Variants in RGS12 observed in about 807,000 individuals in gnomAD.
RGS12 encodes regulator of G-protein signaling 12.
A neutral mutation model predicts 120.1 loss-of-function variants in RGS12; 66 were observed. The ratio of observed to expected loss-of-function variants is 0.55; its 90% CI spans 0.45 to 0.67. The LOEUF is 0.67. RGS12 is among the 30% of genes least tolerant of loss of function. The probability of loss-of-function intolerance (pLI) is 0.00; values close to 1 mark genes in which losing one functional copy is unlikely to be tolerated. For missense variants in RGS12, 1,859 were observed against 1,957.7 expected (o/e 0.95, Z 0.95); for synonymous variants, 827 against 804.7 (o/e 1.03, Z -0.47).
chr4:3,286,011 A>G, the RGS12 span, among the ~76,000 whole-genome samples: 3 of 152,206 alleles, frequency 2.0e-5, no homozygotes, highest in Non-Finnish European at 2.9e-5. Context: ...CGCTCCAGGG[A>G]CCGCTGGGGC....
At chr4:3,320,194 G>A (rs1725082964) in intron 2 of RGS12, among the ~76,000 whole-genome samples, 1 of 152,236 alleles carries the variant, frequency 6.6e-6, no homozygotes. Context: ...ATTGGCAGTG[G>A]TGCTTATGGT....
chr4:3,425,451 A>T lies in RGS12; in HGVS notation c.3235-13A>T. 1.2e-6 allele frequency: 2 copies of T among 1,604,302 alleles called. No homozygotes were observed. Among genetic ancestry groups the T allele is most frequent in the Non-Finnish European group, 8.5e-7 (1 of 1,172,640 alleles). On this transcript the variant is annotated splice_polypyrimidine_tract_variant and intron_variant, in intron 13 of 17. Transcript: ENST00000336727. ...AGTCTGGGTAAATTATTCAGTGCTG[A>T]TCTCTGCCCTAGAGTGGAGAGAAGG...
intron 2 of RGS12, among the ~76,000 whole-genome samples, chr4:3,321,142 A>T (rs1287400353): frequency 1.3e-5 from 2 of 152,218 alleles, no homozygotes; most frequent in African/African-American, 4.8e-5. Context: ...TTCAGTATAC[A>T]GAATCGTTAA....
intron 17 of RGS12, 36 bp downstream of exon 17, chr4:3,430,991 G>A (rs751752373): frequency 7.5e-5 from 120 of 1,602,834 alleles, no homozygotes; most frequent in Non-Finnish European, 9.3e-5. Flanking sequence ...CCTTGGCCCC[G>A]TAAGCGTGGT....
rs1015603713 is a variant in RGS12, at chr4:3,370,239, G to T, written c.1999-16177G>T. On this transcript the variant is annotated intron_variant, in intron 3 of 17. Coordinates refer to ENST00000336727, the MANE Select transcript of RGS12 (RefSeq NM_001394154.1). ...GTGTTGAATGGTGTGTCTTAGACCC[G>T]GGTGCCTAGTGTGGCTCGGTGCCTT... The T allele has an allele frequency of 1.3e-5, 21 of 1,613,430 alleles. No homozygotes were observed. The East Asian group carries it at 4.7e-4, about 36-fold the overall frequency.
intron 1 of RGS12, among the ~76,000 whole-genome samples, chr4:3,302,470 G>C (rs150125342): frequency 1.3e-5 from 2 of 152,240 alleles, no homozygotes; most frequent in African/African-American, 4.8e-5. Flanking sequence ...TGGAGTTCAC[G>C]TTGTGTGGCC....
chr4:3,382,232 C>T (rs983815419), intron 3 of RGS12, among the ~76,000 whole-genome samples: 4 of 152,134 alleles, frequency 2.6e-5, no homozygotes, highest in Admixed American at 2.6e-4. Context: ...GATGACATAA[C>T]TTCTAAAAGT....
rs529458425 is a variant in RGS12, at chr4:3,323,196, C to T, written c.1881+5145C>T. 1.1e-4 allele frequency among the ~76,000 whole-genome samples: 17 copies of T among 152,346 alleles called. No homozygotes were observed. The East Asian group carries it at 2.3e-3, about 21-fold the overall frequency. ...AAGCACCAGGCTGGGGGGCCTCTCC[C>T]GGGAGGGGTGCCGTGGCGCCTCGCT... On this transcript the variant is annotated intron_variant, in intron 2 of 17. Transcript: ENST00000336727.
chr4:3,304,845 G>A (rs1353161178), intron 1 of RGS12, among the ~76,000 whole-genome samples: 1 of 152,238 alleles, frequency 6.6e-6, no homozygotes, highest in Non-Finnish European at 1.5e-5. Context: ...GCATCACGTG[G>A]CACGTTGGTT....
chr4:3,376,701 G>T (rs1291468633), intron 3 of RGS12, among the ~76,000 whole-genome samples: 1 of 152,196 alleles, frequency 6.6e-6, no homozygotes, highest in Non-Finnish European at 1.5e-5. Context: ...GAATTGATTT[G>T]CCGGTCCCTT....
intron 1 of RGS12, among the ~76,000 whole-genome samples, chr4:3,315,808 G>C (rs1209119920): frequency 6.6e-6 from 1 of 152,248 alleles, no homozygotes; most frequent in Non-Finnish European, 1.5e-5. Flanking sequence ...GCAGTGCTGG[G>C]AAGCAGTCCT....
chr4:3,434,652 AAGG>A (rs1193490347), intron 17 of RGS12, among the ~76,000 whole-genome samples: 1 of 152,192 alleles, frequency 6.6e-6, no homozygotes, highest in Non-Finnish European at 1.5e-5. Flanking sequence ...TGTTTTCACA[AAGG>A]AGAGAGGCAT....
chr4:3,412,436 C>A (rs1245417786), intron 4 of RGS12, among the ~76,000 whole-genome samples: 4 of 152,332 alleles, frequency 2.6e-5, no homozygotes, highest in African/African-American at 9.6e-5. Context: ...CCTCACTGAC[C>A]CCCTCCTGGT....
rs376251900 is a variant in RGS12, at chr4:3,296,694, G to T, written c.-102+3595G>T. 7.2e-5 allele frequency among the ~76,000 whole-genome samples: 11 copies of T among 152,332 alleles called. No individual in the cohort carries two copies. The East Asian group carries it at 1.9e-3, about 27-fold the overall frequency. The stretch of plus-strand genomic sequence containing the variant: ...TGACTTCACTTTTCCCATTGTGTGC[G>T]AGGAGCACCCGTCTCATGCCTCTTC... On this transcript the variant is annotated intron_variant, in intron 1 of 17. Transcript: ENST00000336727.
chr4:3,411,957 G>A (rs929312517), intron 4 of RGS12, among the ~76,000 whole-genome samples: 3 of 152,356 alleles, frequency 2.0e-5, no homozygotes, highest in South Asian at 4.1e-4. Context: ...AGCCCCAGCC[G>A]CAGGCCTCTG....
At chr4:3,322,816 G>T (rs1201561575) in intron 2 of RGS12, among the ~76,000 whole-genome samples, 2 of 152,104 alleles carry the variant, frequency 1.3e-5, no homozygotes, top group Non-Finnish European at 2.9e-5. Context: ...ATAAAGACTC[G>T]CTGAGGTGCT....
chr4:3,405,902 C>G (rs1310126070), intron 4 of RGS12, among the ~76,000 whole-genome samples: 1 of 144,806 alleles, frequency 6.9e-6, no homozygotes, highest in Non-Finnish European at 1.5e-5. Context: ...GAAATTATTT[C>G]AAAAGAAAAA....
chr4:3,438,588 T>C (rs1169247180), intron 17 of RGS12, among the ~76,000 whole-genome samples: 3 of 151,552 alleles, frequency 2.0e-5, no homozygotes, highest in Non-Finnish European at 4.4e-5. Context: ...CGTTGGCCCC[T>C]GGGGACTCCA....
rs781205114 is a variant in RGS12, at chr4:3,417,544, T to C, written c.2761+3T>C. ...GGAGCACGGGGACCACGCAGACGGT[T>C]TGTGGGGTGGCTCCTGGGCTGTGGT... is the stretch of plus-strand genomic sequence containing the variant. On this transcript the variant is annotated splice_donor_region_variant and intron_variant, in intron 9 of 17. Transcript: ENST00000336727. The C allele has an allele frequency of 2.5e-5, 41 of 1,612,078 alleles. No individual in the cohort carries two copies. The highest frequency in any genetic ancestry group is 3.2e-5 in the Non-Finnish European group (38 of 1,179,580).
Sources: gnomAD v4.1 joint callset for allele counts (sites outside exome capture counted in the v4.1 genomes callset) on GRCh38, gnomAD v4.1.1 for gene constraint, MANE v1.5 for transcripts, NCBI Gene and HGNC (gene_info 2026-07-23, HGNC 2026-07-21) for gene names.